The following LRFN5 variants were observed in gnomAD, a reference collection of about 807,000 sequenced individuals.
The protein encoded by LRFN5 is leucine-rich repeat and fibronectin type-III domain-containing protein 5.
LRFN5 carries 24 observed loss-of-function variants against 45.6 expected under a neutral mutation model. The ratio of observed to expected loss-of-function variants is 0.53; its 90% confidence interval spans 0.38 to 0.74. LRFN5 has a LOEUF of 0.74. Ranked by LOEUF, LRFN5 falls within the 30% of genes least tolerant of loss-of-function variation. LRFN5 has a pLI of 0.00. For missense variants in LRFN5, 776 were observed against 861.5 expected (o/e 0.90, Z 1.24); for synonymous variants, 340 against 313.8 (o/e 1.08, Z -0.88).
intron 2 of LRFN5, among the ~76,000 whole-genome samples, chr14:41,795,670 G>T (rs896810064): frequency 1.3e-5 from 2 of 151,814 alleles, no homozygotes; most frequent in Non-Finnish European, 2.9e-5. Context: ...GCAAAGTATC[G>T]CAAGGACAGA....
At chr14:41,768,660 G>A (rs1012563874) in intron 2 of LRFN5, among the ~76,000 whole-genome samples, 3 of 151,946 alleles carry the variant, frequency 2.0e-5, no homozygotes, top group Admixed American at 6.6e-5. Flanking sequence ...TTTCTTTATG[G>A]CAACCCCACA....
intron 1 of LRFN5, among the ~76,000 whole-genome samples, chr14:41,641,126 A>G (rs1340826477): frequency 6.6e-6 from 1 of 152,114 alleles, no homozygotes; most frequent in African/African-American, 2.4e-5. Flanking sequence ...AACCCCTCCT[A>G]ATGTAAAACC....
chr14:41,761,520 T>C (rs1885667900), intron 1 of LRFN5, among the ~76,000 whole-genome samples: 1 of 152,096 alleles, frequency 6.6e-6, no homozygotes, highest in Non-Finnish European at 1.5e-5. Flanking sequence ...GCCAAACCAC[T>C]AAGAGCGACA....
chr14:41,815,784 A>T (rs1887896317), intron 2 of LRFN5, among the ~76,000 whole-genome samples: 2 of 152,054 alleles, frequency 1.3e-5, no homozygotes, highest in South Asian at 4.1e-4. Context: ...ATAAATAAAT[A>T]AAATGAAGTG....
At chr14:41,744,880 C>T (rs1177636312) in intron 1 of LRFN5, among the ~76,000 whole-genome samples, 1 of 151,902 alleles carries the variant, frequency 6.6e-6, no homozygotes, top group Non-Finnish European at 1.5e-5. Context: ...TAGTAATTGA[C>T]TGTAAAAATA....
chr14:41,619,454 G>T (rs1291503618), intron 1 of LRFN5, among the ~76,000 whole-genome samples: 1 of 151,986 alleles, frequency 6.6e-6, no homozygotes, highest in Non-Finnish European at 1.5e-5. Context: ...TTTAGTAAAA[G>T]AGATGTATTT....
Position 41,754,133 on chromosome 14 carries a change from A to G in LRFN5, c.-196-12721A>G, listed in dbSNP as rs144507283. On this transcript the variant is annotated intron_variant, in intron 1 of 5. Transcript: ENST00000298119. ...TAAAACCCACTTGATCATGGTGGATAAGCTTTTTGATGTGCTGCTGGATTC... is the reference window on the plus strand; with the variant it reads ...TAAAACCCACTTGATCATGGTGGATGAGCTTTTTGATGTGCTGCTGGATTC... Among the ~76,000 whole-genome samples, 633 of 152,260 alleles carry G rather than the reference A, an allele frequency of 4.2e-3. 6 individuals are homozygous for G. Among genetic ancestry groups the G allele is most frequent in the African/African-American group, 0.014 (601 of 41,548 alleles).
intron 1 of LRFN5, among the ~76,000 whole-genome samples, chr14:41,627,672 A>G (rs1381912134): frequency 1.3e-5 from 2 of 152,172 alleles, no homozygotes; most frequent in African/African-American, 4.8e-5. Flanking sequence ...ACATGGTCGA[A>G]TATATAGATA....
At chr14:41,677,464 A>G (rs1266136514) in intron 1 of LRFN5, among the ~76,000 whole-genome samples, 1 of 152,144 alleles carries the variant, frequency 6.6e-6, no homozygotes, top group Admixed American at 6.5e-5. Flanking sequence ...AATTATATTT[A>G]AAGAACTAAG....
chr14:41,873,621 A>G (rs1890096483), intron 2 of LRFN5, among the ~76,000 whole-genome samples: 1 of 151,908 alleles, frequency 6.6e-6, no homozygotes, highest in Non-Finnish European at 1.5e-5. Flanking sequence ...TTCTTCTCCC[A>G]TTTTTCATGT....
Position 41,866,229 on chromosome 14 carries a change from T to C in LRFN5, c.-20-20377T>C, listed in dbSNP as rs1691256139. On this transcript the variant is annotated intron_variant, in intron 2 of 5. Transcript: ENST00000298119. ...AAGTTTGGTAAAGGAAGTGGGTTCA[T>C]TCTCCATCATTCATTTTTCTTTCTT... Among the ~76,000 whole-genome samples the C allele has an allele frequency of 3.9e-5, 6 of 152,182 alleles. No individual in the cohort carries two copies. In the South Asian group the frequency reaches 1.2e-3, roughly 31 times the overall value.
chr14:41,815,813 C>T lies in LRFN5; in HGVS notation c.-21+48784C>T, dbSNP rs147807733. On this transcript the variant is annotated intron_variant, in intron 2 of 5. Coordinates refer to ENST00000298119, the MANE Select transcript of LRFN5 (RefSeq NM_152447.5). The stretch of plus-strand genomic sequence containing the variant: ...TGAAGTGGATGTCTTGTAGACAACA[C>T]GTAATTGGATCTTGTTTCTTGATCC... Among the ~76,000 whole-genome samples the T allele has an allele frequency of 1.6e-4, 25 of 152,076 alleles. 1 individual carries two copies. The East Asian group carries it at 4.8e-3, about 29-fold the overall frequency.
chr14:41,785,868 G>A (rs745768476), intron 2 of LRFN5, among the ~76,000 whole-genome samples: 4 of 152,054 alleles, frequency 2.6e-5, no homozygotes, highest in Non-Finnish European at 5.9e-5. Flanking sequence ...AGAATCTAAC[G>A]CCATCTAATG....
intron 2 of LRFN5, among the ~76,000 whole-genome samples, chr14:41,849,304 C>T (rs1250418880): frequency 6.6e-6 from 1 of 152,014 alleles, no homozygotes. Context: ...TAACCCATCC[C>T]TAGGTCTTCA....
chr14:41,792,721 G>A (rs182023476), intron 2 of LRFN5, among the ~76,000 whole-genome samples: 61 of 151,918 alleles, frequency 4.0e-4, no homozygotes, highest in Middle Eastern at 3.4e-3. Context: ...CTATTATTCT[G>A]TTCTTTTTCA....
At position 41,904,195 on chromosome 14, in the gene LRFN5, C is replaced by T. The variant is rs763158872; in HGVS notation, c.*20C>T. The T allele has an allele frequency of 2.5e-5, 40 of 1,609,088 alleles. No homozygotes were observed. The highest frequency in any genetic ancestry group is 3.4e-5 in the Non-Finnish European group (40 of 1,178,626). ...ATCTGAAGAGCACCACTTCTCCTCT[C>T]TCTCCTGAAAAAATTTGCCACTGAT... is the stretch of plus-strand genomic sequence containing the variant. On this transcript the variant is annotated 3_prime_UTR_variant, in exon 6 of 6. Coordinates refer to ENST00000298119, the MANE Select transcript of LRFN5 (RefSeq NM_152447.5).
At chr14:41,625,138 A>G (rs1003652849) in intron 1 of LRFN5, among the ~76,000 whole-genome samples, 1 of 152,122 alleles carries the variant, frequency 6.6e-6, no homozygotes, top group Non-Finnish European at 1.5e-5. Flanking sequence ...GGATAGTACA[A>G]TTATAGCCTG....
intron 1 of LRFN5, among the ~76,000 whole-genome samples, chr14:41,692,551 G>A (rs922692797): frequency 1.3e-5 from 2 of 152,016 alleles, no homozygotes; most frequent in Non-Finnish European, 2.9e-5. Flanking sequence ...ATCTCCTAAT[G>A]CTATCCCTCC....
intron 1 of LRFN5, among the ~76,000 whole-genome samples, chr14:41,692,426 T>A (rs1186296195): frequency 1.3e-5 from 2 of 152,124 alleles, no homozygotes; most frequent in Non-Finnish European, 2.9e-5. Flanking sequence ...CTTTTTTTTA[T>A]TATTATACTT....
Sources: allele counts gnomAD v4.1 joint callset (sites outside exome capture counted in the v4.1 genomes callset), GRCh38; gene constraint gnomAD v4.1.1; transcripts MANE v1.5; gene names NCBI Gene and HGNC (gene_info 2026-07-23, HGNC 2026-07-21).